Variants in MCM9 observed in about 807,000 individuals in gnomAD.
MCM9 encodes DNA helicase MCM9.
Under a neutral mutation model 72.8 loss-of-function variants are expected in MCM9, and 55 were observed. The observed-to-expected ratio is 0.76, with a 90% CI of 0.61 to 0.95. The LOEUF (loss-of-function observed/expected upper bound fraction) is 0.95. Among genes scored for constraint, MCM9 ranks in the 40% least tolerant of loss-of-function variants. MCM9 has a pLI of 0.00. For synonymous variants in MCM9, 480 were observed against 503.4 expected (o/e 0.95, Z 0.62); for missense variants, 1,279 against 1,377.0 (o/e 0.93, Z 1.13).
rs1316687536 is a variant in MCM9 at position 118,924,019 on chromosome 6, A to G, written c.413T>C (p.Val138Ala). 1.2e-6 allele frequency: 2 copies of G among 1,614,054 alleles called. No individual in the cohort carries two copies. The highest frequency in any genetic ancestry group is 1.7e-6 in the Non-Finnish European group (2 of 1,180,040). ...GTVIRTSLVK[V>A]LEFERDYMCN... ...CATGTAATCCCGCTCAAACTCCAGAACCTTCACCAGACTTGTTCGAATCAC... is the reference window on the plus strand; with the variant it reads ...CATGTAATCCCGCTCAAACTCCAGAGCCTTCACCAGACTTGTTCGAATCAC... Residue 138 changes from valine to alanine, a missense_variant, in exon 4 of 14, where the codon GTT (valine) becomes GCT (alanine). Physicochemically the swap from Val to Ala is moderately conservative, Grantham distance 64. Coordinates refer to ENST00000619706, the MANE Select transcript of MCM9 (RefSeq NM_017696.3).
chr6:118,841,959 A>G (rs1280748393), intron 9 of MCM9, among the ~76,000 whole-genome samples: 2 of 150,814 alleles, frequency 1.3e-5, no homozygotes, highest in Admixed American at 1.3e-4. Flanking sequence ...CTCAGCCTCC[A>G]GAGTAGCTGG....
At chr6:118,874,178 C>A (rs1777790317) in intron 8 of MCM9, among the ~76,000 whole-genome samples, 2 of 152,114 alleles carry the variant, frequency 1.3e-5, no homozygotes, top group African/African-American at 4.8e-5. Context: ...TCACTTGAAC[C>A]TGGAAGGCAG....
chr6:118,910,194 C>T (rs144485023), intron 8 of MCM9, among the ~76,000 whole-genome samples: 447 of 150,070 alleles, frequency 3.0e-3, no homozygotes, highest in Middle Eastern at 0.021. Context: ...ATCCTTAGTG[C>T]ACCTTTACTA....
chr6:118,894,771 T>C (rs1347340078), intron 8 of MCM9, among the ~76,000 whole-genome samples: 1 of 152,178 alleles, frequency 6.6e-6, no homozygotes, highest in Non-Finnish European at 1.5e-5. Context: ...GTAGCCATGT[T>C]GTCAGCTTTG....
Position 118,856,514 on chromosome 6 carries a change from T to C in MCM9, c.1182A>G (p.Gly394=), listed in dbSNP as rs1022088590. Residue 394 remains glycine (G), a synonymous_variant, in exon 9 of 14, where the codon GGA becomes GGG. Transcript: ENST00000619706. ...GLTVTAVKDS[G]EWNLEAGALV... The stretch of plus-strand genomic sequence containing the variant: ...ATGCCCCAGCCTCCAAATTCCATTC[T>C]CCTGAGTCTTTTACAGCAGTTACCG... The C allele has an allele frequency of 1.5e-5, 23 of 1,535,506 alleles. No individual in the cohort carries two copies. In the African/African-American group the frequency reaches 3.0e-4, roughly 20 times the overall value.
intron 7 of MCM9, chr6:118,913,022 G>A: frequency 3.2e-6 from 1 of 316,364 alleles, no homozygotes; most frequent in Non-Finnish European, 5.8e-6. Flanking sequence ...CACAGTAATA[G>A]AAACAAAGAT....
At chr6:118,900,941 T>G in intron 8 of MCM9, 1 of 1,156,342 alleles carries the variant, frequency 8.6e-7, no homozygotes, top group Non-Finnish European at 1.3e-6. Context: ...CTATATTATC[T>G]ATTATCTTAT....
chr6:118,921,906 T>C (rs537139662), intron 5 of MCM9, 99 bp downstream of exon 5: 2 of 868,600 alleles, frequency 2.3e-6, no homozygotes, highest in Non-Finnish European at 1.8e-6. Context: ...AGCTCTACAT[T>C]TCCCTTGCCA....
chr6:118,876,436 A>T (rs983706197), intron 8 of MCM9, among the ~76,000 whole-genome samples: 3 of 152,156 alleles, frequency 2.0e-5, no homozygotes, highest in African/African-American at 7.2e-5. Flanking sequence ...TGAATGTACC[A>T]CTCTGAAACT....
chr6:118,889,037 T>C (rs1224475768), intron 8 of MCM9, among the ~76,000 whole-genome samples: 1 of 152,180 alleles, frequency 6.6e-6, no homozygotes, highest in Non-Finnish European at 1.5e-5. Flanking sequence ...CTAAAAACTA[T>C]TGACTCAGAT....
chr6:118,826,100 A>C (rs1774150259), intron 13 of MCM9, 47 bp downstream of exon 13: 1 of 1,525,508 alleles, frequency 6.6e-7, no homozygotes, highest in African/African-American at 1.4e-5. Context: ...ACTAAATGCC[A>C]AACAAGGATT....
At chr6:118,851,706 GT>G (rs1375695017) in intron 9 of MCM9, among the ~76,000 whole-genome samples, 3 of 151,886 alleles carry the variant, frequency 2.0e-5, no homozygotes, top group African/African-American at 7.3e-5. Flanking sequence ...TAAAATACTG[GT>G]TGTGATCCAT....
At position 118,851,991 on chromosome 6, in the gene MCM9, C is replaced by T. The variant is rs145552682; in HGVS notation, c.1325+4380G>A. Among the ~76,000 whole-genome samples, 22 of 152,238 alleles carry T rather than the reference C, an allele frequency of 1.4e-4. 1 individual carries two copies. The South Asian group carries it at 2.5e-3, about 17-fold the overall frequency. ...ATGTTCTGAGCAATGCATCATAAGGCGATCTGTTCTGTTGCAAGCATCATA... is the reference window on the plus strand; with the variant it reads ...ATGTTCTGAGCAATGCATCATAAGGTGATCTGTTCTGTTGCAAGCATCATA... On this transcript the variant is annotated intron_variant, in intron 9 of 13. Transcript: ENST00000619706.
chr6:118,900,193 A>G (rs1169853445), intron 8 of MCM9, among the ~76,000 whole-genome samples: 1 of 152,280 alleles, frequency 6.6e-6, no homozygotes, highest in East Asian at 1.9e-4. Context: ...GAAAAACCCT[A>G]CCATTGTTCG....
chr6:118,826,739 G>T, intron 12 of MCM9, 43 bp downstream of exon 12: 1 of 1,423,310 alleles, frequency 7.0e-7, no homozygotes, highest in Non-Finnish European at 9.5e-7. Flanking sequence ...AAAAAAGAAA[G>T]TTTGTAATTA....
At chr6:118,893,938 C>CCTCCCCGCCGCAGCCACGT in intron 8 of MCM9, 1 of 875,084 alleles carries the variant, frequency 1.1e-6, no homozygotes, top group South Asian at 5.0e-5. Context: ...CGCAGCCACG[C>CCTCCCCGCCGCAGCCACGT]CTCCCCGCCG....
At chr6:118,921,493 G>A (rs1236072134) in intron 5 of MCM9, 1 of 152,256 alleles carries the variant, frequency 6.6e-6, no homozygotes, top group Non-Finnish European at 1.5e-5. Context: ...AGGACCCTCA[G>A]AAGACAGCAG....
At chr6:118,829,274 C>T (rs1774374038) in intron 9 of MCM9, 24 bp from the exon 10 acceptor site, 1 of 1,528,596 alleles carries the variant, frequency 6.5e-7, no homozygotes, top group African/African-American at 1.4e-5. Context: ...CAGTACAATT[C>T]ACTGATTGTG....
Position 118,893,187 on chromosome 6 carries a change from CG to C in MCM9, c.1150+18462del, listed in dbSNP as rs199903068. Among the ~76,000 whole-genome samples the C allele has an allele frequency of 2.0e-3, 298 of 152,304 alleles. 3 individuals are homozygous for C. The East Asian group carries it at 0.045, about 23-fold the overall frequency. On this transcript the variant is annotated intron_variant, in intron 8 of 13. Transcript: ENST00000619706. Reference sequence around the variant, plus strand: ...CGCAATGGTAGCCAAGCAGCATAAACGAATCAACATTTCCTCAGTTCAGACC... The same window carrying C: ...CGCAATGGTAGCCAAGCAGCATAAACAATCAACATTTCCTCAGTTCAGACC...
Sources: allele counts gnomAD v4.1 joint callset (sites outside exome capture counted in the v4.1 genomes callset), GRCh38; gene constraint gnomAD v4.1.1; transcripts MANE v1.5; gene names NCBI Gene and HGNC (gene_info 2026-07-23, HGNC 2026-07-21).